ACOX1: variants seen among roughly 807,000 people sequenced by gnomAD.
ACOX1 encodes acyl-CoA oxidase 1.
Under a neutral mutation model 75.5 loss-of-function variants are expected in ACOX1, and 41 were observed. That is an observed-to-expected ratio of 0.54 (90% CI 0.42 to 0.70). The LOEUF (loss-of-function observed/expected upper bound fraction) is 0.70, where lower values mean the gene tolerates loss of function less well. Among genes scored for constraint, ACOX1 ranks in the 30% least tolerant of loss-of-function variants. ACOX1 has a pLI of 0.00. For missense variants in ACOX1, 630 were observed against 837.5 expected, an observed-to-expected ratio of 0.75 and a Z score of 3.06; for synonymous variants, 303 against 298.8, an observed-to-expected ratio of 1.01 and a Z score of -0.15.
chr17:75,950,948 G>A lies in ACOX1; in HGVS notation c.1124C>T (p.Ala375Val), dbSNP rs759997798. The A allele has an allele frequency of 1.9e-6, 3 of 1,614,148 alleles. No individual in the cohort carries two copies. The highest frequency in any genetic ancestry group is 2.2e-5 in the South Asian group (2 of 91,078). ...CCAGGAGGTGAAAGCCTTCAGTCCA[G>A]CGGTGAGGGCATGAAGCTGAGAGGA... is the stretch of plus-strand genomic sequence containing the variant. ...SELPELHALTAGLKAFTSWTA... is the reference protein window; with the variant it reads ...SELPELHALTVGLKAFTSWTA... Residue 375 changes from alanine to valine, a missense_variant, in exon 9 of 14, where the codon GCT becomes GTT. By Grantham distance (64) the Ala-to-Val change is moderately conservative. Coordinates refer to ENST00000293217, the MANE Select transcript of ACOX1 (RefSeq NM_004035.7). The surrounding 1 kb of genome is among the most constrained non-coding windows in gnomAD (Gnocchi z 4.3).
intron 2 of ACOX1, among the ~76,000 whole-genome samples, chr17:75,970,527 A>G (rs992265506): frequency 2.0e-5 from 3 of 152,160 alleles, no homozygotes; most frequent in African/African-American, 7.2e-5. Flanking sequence ...CTCTAGAAAG[A>G]AGGATAATGC....
chr17:75,942,776 CCTTT>C lies in ACOX1; in HGVS notation c.*3968_*3971del. The C allele has an allele frequency of 1.3e-5, 2 of 152,200 alleles. No homozygotes were observed. The highest frequency in any genetic ancestry group is 4.1e-4 in the South Asian group (2 of 4,822). 9.4% of individuals were successfully genotyped at this position (152,200 alleles called of 1,614,324 possible). ...CAGACCACCTACACCTAATTCACTT[CCTTT>C]CTAATAAGATGGATGGAATAACTCG... On this transcript the variant is annotated 3_prime_UTR_variant, in exon 14 of 14. Transcript: ENST00000293217.
intron 8 of ACOX1, 57 bp downstream of exon 8, chr17:75,951,358 C>T (rs2065771963): frequency 6.2e-7 from 1 of 1,607,228 alleles, no homozygotes; most frequent in Non-Finnish European, 8.5e-7. Flanking sequence ...GGACCTCATC[C>T]AACAGGCAAC....
Position 75,958,310 on chromosome 17 carries a change from G to A in ACOX1, c.431-744C>T, listed in dbSNP as rs1234257810. Among the ~76,000 whole-genome samples, 3 of 144,866 alleles carry A rather than the reference G, an allele frequency of 2.1e-5. No homozygotes were observed. The East Asian group carries it at 6.1e-4, about 29-fold the overall frequency. ...GGAGGTTGCAGTGAGCCAAGATTGT[G>A]CCACCGCACTCCAGCCTGGGTGGCA... On this transcript the variant is annotated intron_variant, in intron 3 of 13. Coordinates refer to ENST00000293217, the MANE Select transcript of ACOX1 (RefSeq NM_004035.7).
chr17:75,947,882 G>A (rs965639541), intron 13 of ACOX1, among the ~76,000 whole-genome samples: 2 of 151,814 alleles, frequency 1.3e-5, no homozygotes, highest in Non-Finnish European at 2.9e-5. Flanking sequence ...CTGCCTGGCT[G>A]CTTTTTTTGT....
In ACOX1 at chr17:75,978,353, A is replaced by G. The variant is rs1598206034; in HGVS notation, c.269+181T>C. 1 of 697,468 alleles carries G rather than the reference A, an allele frequency of 1.4e-6. No homozygotes were observed. 43.2% of individuals were successfully genotyped at this position (697,468 alleles called of 1,614,324 possible). ...GGTGATCCGCCCGCCTCGGCCTCCC[A>G]AAGTGCTGGGATTACAGGCGTGAGC... On this transcript the variant is annotated intron_variant, in intron 2 of 13. Transcript: ENST00000293217. The surrounding 1 kb of genome is among the most constrained non-coding windows in gnomAD (Gnocchi z 4.2).
At chr17:75,958,915 C>A (rs1181384094) in intron 3 of ACOX1, among the ~76,000 whole-genome samples, 1 of 151,976 alleles carries the variant, frequency 6.6e-6, no homozygotes, top group Non-Finnish European at 1.5e-5. Context: ...CTCAGTTGAC[C>A]CTAGAGATTT....
intron 2 of ACOX1, among the ~76,000 whole-genome samples, chr17:75,975,718 T>C (rs1028007411): frequency 4.3e-4 from 66 of 152,036 alleles, no homozygotes; most frequent in African/African-American, 1.5e-3. Context: ...AAGGGGCGGG[T>C]GGATCACAAG....
At chr17:75,958,765 G>A (rs772703631) in intron 3 of ACOX1, among the ~76,000 whole-genome samples, 30 of 146,246 alleles carry the variant, frequency 2.1e-4, no homozygotes, top group Admixed American at 5.6e-4. Context: ...CTGAGATCGC[G>A]CCACTGCACT....
At chr17:75,958,240 C>G (rs2065851301) in intron 3 of ACOX1, among the ~76,000 whole-genome samples, 1 of 149,096 alleles carries the variant, frequency 6.7e-6, no homozygotes, top group Non-Finnish European at 1.5e-5. Context: ...GTAGTCCCAG[C>G]TACTAAGGAG....
At chr17:75,965,675 T>C (rs986704390) in intron 2 of ACOX1, among the ~76,000 whole-genome samples, 1 of 151,584 alleles carries the variant, frequency 6.6e-6, no homozygotes, top group African/African-American at 2.4e-5. Flanking sequence ...CTACTAAAAA[T>C]TTAAAAAATC....
rs2144330609 is a variant in ACOX1, at chr17:75,978,620, C to T, written c.183G>A (p.Glu61=). The T allele has an allele frequency of 6.2e-7, 1 of 1,614,186 alleles. No homozygotes were observed. Among genetic ancestry groups the T allele is most frequent in the Non-Finnish European group, 8.5e-7 (1 of 1,180,036 alleles). ...TGATGGCACTTTTCCTGACAGCCAC[C>T]TCATAACGCTGGCTGCGAGTGAGGA... ...LNFLTRSQRY[E]VAVRKSAIMV... The change falls in exon 2 of 14, where the codon GAG becomes GAA. Residue 61 remains glutamate (E), a synonymous_variant. Transcript: ENST00000293217. The surrounding 1 kb of genome is among the most constrained non-coding windows in gnomAD (Gnocchi z 4.2).
At chr17:75,957,104 G>C (rs2065840926) in intron 4 of ACOX1, among the ~76,000 whole-genome samples, 1 of 150,808 alleles carries the variant, frequency 6.6e-6, no homozygotes, top group South Asian at 2.1e-4. Context: ...GGTTGTTTTT[G>C]AGACAAAGTC....
In ACOX1 at chr17:75,978,984, G is replaced by C. The variant is rs1135630; in HGVS notation, c.90C>G (p.Thr30=). 6.2e-7 allele frequency: 1 copy of C among 1,610,876 alleles called. No individual in the cohort carries two copies. The highest frequency in any genetic ancestry group is 1.1e-5 in the South Asian group (1 of 91,084). The stretch of plus-strand genomic sequence containing the variant: ...CCTCACCGATCTCTCGGCGGCGCCG[G>C]GTTTTCTCGGGGCTGCCGTCCAGGA... ...THILDGSPEK[T]RRRREIENMI... The change falls in exon 1 of 14, where the codon ACC becomes ACG. Residue 30 remains threonine, a synonymous_variant. Transcript: ENST00000293217. The surrounding 1 kb of genome is among the most constrained non-coding windows in gnomAD (Gnocchi z 4.2).
rs753465451 is a variant in ACOX1, at chr17:75,950,802, T to C, written c.1270A>G (p.Asn424Asp). 4 of 1,614,012 alleles carry C rather than the reference T, an allele frequency of 2.5e-6. No individual in the cohort carries two copies. Among genetic ancestry groups the C allele is most frequent in the Admixed American group, 1.7e-5 (1 of 59,982 alleles). ...FTPSCTFEGE[N>D]TVMMLQTARF... ...GCCGTCTGGAGCATCATGACAGTGT[T>C]TTCTCCCTCAAAGGTACAGCTTGGG... The change falls in exon 9 of 14, where the codon AAC (asparagine) becomes GAC (aspartate). Residue 424 changes from asparagine to aspartate, a missense_variant. Coordinates refer to ENST00000293217, the MANE Select transcript of ACOX1 (RefSeq NM_004035.7). This position sits in a 1 kb window ranked among gnomAD's most constrained non-coding sequence, Gnocchi z 4.3.
chr17:75,948,501 T>C, intron 12 of ACOX1, 44 bp from the exon 13 acceptor site: 1 of 1,496,950 alleles, frequency 6.7e-7, no homozygotes, highest in Non-Finnish European at 9.2e-7. Flanking sequence ...TATATGTATA[T>C]AGATAGACAT....
intron 4 of ACOX1, 70 bp from the exon 5 acceptor site, chr17:75,956,017 A>G (rs2065821543): frequency 6.2e-7 from 1 of 1,600,502 alleles, no homozygotes; most frequent in Non-Finnish European, 8.6e-7. Context: ...AGAAAAAAGA[A>G]GAAAGAATAT....
chr17:75,962,184 T>A (rs957139750), intron 2 of ACOX1, among the ~76,000 whole-genome samples: 2 of 152,144 alleles, frequency 1.3e-5, no homozygotes, highest in African/African-American at 4.8e-5. Context: ...CCCAATAATT[T>A]ATTTCAGAAA....
intron 6 of ACOX1, 63 bp downstream of exon 6, chr17:75,955,501 TTG>T: frequency 7.7e-7 from 1 of 1,294,842 alleles, no homozygotes; most frequent in African/African-American, 1.5e-5. Flanking sequence ...TCTAACCCTA[TTG>T]TGAGTAACAG....
Sources: gnomAD v4.1 joint callset for allele counts (sites outside exome capture counted in the v4.1 genomes callset) on GRCh38, gnomAD v4.1.1 for gene constraint, Gnocchi (gnomAD v3.1) non-coding constraint, MANE v1.5 for transcripts, NCBI Gene and HGNC (gene_info 2026-07-23, HGNC 2026-07-21) for gene names.